Variants in TUFT1 observed in about 807,000 individuals in gnomAD.
TUFT1 encodes the protein tuftelin 1.
In TUFT1, 43 loss-of-function variants were observed where a neutral mutation model predicts 57.8. That is an observed-to-expected ratio of 0.74 (90% CI 0.58 to 0.96). The LOEUF (loss-of-function observed/expected upper bound fraction) is 0.96. Among genes scored for constraint, TUFT1 ranks in the 40% least tolerant of loss-of-function variants. The probability of loss-of-function intolerance (pLI) is 0.00; values close to 1 mark genes in which losing one functional copy is unlikely to be tolerated. For missense variants in TUFT1, 459 were observed against 489.0 expected (o/e 0.94, Z 0.58); for synonymous variants, 166 against 176.7 (o/e 0.94, Z 0.48).
At chr1:151,557,485 CT>C in intron 1 of TUFT1, 3 of 1,417,888 alleles carry the variant, frequency 2.1e-6, no homozygotes, top group Non-Finnish European at 2.0e-6. Context: ...TTATGAACTC[CT>C]TTTTAAGGAG....
intron 10 of TUFT1, among the ~76,000 whole-genome samples, chr1:151,579,249 A>G (rs1162628936): frequency 6.6e-6 from 1 of 152,196 alleles, no homozygotes; most frequent in Non-Finnish European, 1.5e-5. Flanking sequence ...CTAAGGCCCC[A>G]TAACTGGGAG....
Position 151,565,257 on chromosome 1 carries a change from G to T in TUFT1, c.414+643G>T, listed in dbSNP as rs537769484. 1.6e-4 allele frequency among the ~76,000 whole-genome samples: 24 copies of T among 152,328 alleles called. No homozygotes were observed. In the South Asian group the frequency reaches 5.0e-3, roughly 32 times the overall value. On this transcript the variant is annotated intron_variant, in intron 5 of 12. Coordinates refer to ENST00000368849, the MANE Select transcript of TUFT1 (RefSeq NM_020127.3). ...CTGGGAGGGATAATCCTGGGATCCT[G>T]CTTTTCAGTTTTTCCAAAACTCGAG...
Position 151,581,573 on chromosome 1 carries a change from G to A in TUFT1, c.1110-71G>A, listed in dbSNP as rs1195477067. On this transcript the variant is annotated intron_variant, in intron 12 of 12. Transcript: ENST00000368849. ...CCAGAGGCCAATGTGAAGATTCCAG[G>A]GGCTCTGTGAAGGGTGGGCCACAAC... is the stretch of plus-strand genomic sequence containing the variant. 4.0e-6 allele frequency: 6 copies of A among 1,481,906 alleles called. No homozygotes were observed. The African/African-American group carries it at 6.9e-5, about 17-fold the overall frequency. The allele number at this position is 1,481,906 out of a possible 1,614,324, so 91.8% of individuals were successfully genotyped here.
chr1:151,573,147 G>A (rs1666322399), intron 7 of TUFT1, among the ~76,000 whole-genome samples: 1 of 152,178 alleles, frequency 6.6e-6, no homozygotes, highest in African/African-American at 2.4e-5. Context: ...GGTACTGTGG[G>A]AGCTCTGGAA....
At chr1:151,573,275 T>G (rs1017939972) in intron 7 of TUFT1, among the ~76,000 whole-genome samples, 2 of 152,144 alleles carry the variant, frequency 1.3e-5, no homozygotes, top group Non-Finnish European at 2.9e-5. Flanking sequence ...GTTCCTTGTA[T>G]GTCCTCTCCC....
At position 151,569,717 on chromosome 1, in the gene TUFT1, G is replaced by C; in HGVS notation, c.541G>C (p.Ala181Pro). The change falls in exon 7 of 13, where the codon GCC becomes CCC. Residue 181 changes from alanine (A) to proline (P), a missense_variant. Ala to Pro is a conservative substitution (Grantham distance 27). Coordinates refer to ENST00000368849, the MANE Select transcript of TUFT1 (RefSeq NM_020127.3). Reference sequence around the variant, plus strand: ...GAGGAAGACGGTGCAGGACTTGCTGGCCAAGCTTCAGGAGGCCAAGCGGCA... The same window carrying C: ...GAGGAAGACGGTGCAGGACTTGCTGCCCAAGCTTCAGGAGGCCAAGCGGCA... ...SLRKTVQDLLAKLQEAKRQHQ... is the reference protein window; with the variant it reads ...SLRKTVQDLLPKLQEAKRQHQ... 1.9e-6 allele frequency: 3 copies of C among 1,614,056 alleles called. No homozygotes were observed. Among genetic ancestry groups the C allele is most frequent in the Non-Finnish European group, 2.5e-6 (3 of 1,179,962 alleles).
rs192466100 is a variant in TUFT1 at position 151,545,310 on chromosome 1, C to T, written c.60+4884C>T. Among the ~76,000 whole-genome samples the T allele has an allele frequency of 4.0e-5, 6 of 150,286 alleles. No homozygotes were observed. In the East Asian group the frequency reaches 9.9e-4, roughly 25 times the overall value. On this transcript the variant is annotated intron_variant, in intron 1 of 12. Transcript: ENST00000368849. ...GGGCAACAAGAGTGAAACTCCGTCT[C>T]AAACAAACAAAAAAAAGAGCATGGC...
Position 151,575,023 on chromosome 1 carries a change from G to A in TUFT1, c.818+18G>A, listed in dbSNP as rs538844764. 2.6e-6 allele frequency: 4 copies of A among 1,552,186 alleles called. No homozygotes were observed. The highest frequency in any genetic ancestry group is 1.4e-5 in the African/African-American group (1 of 73,304). Reference sequence around the variant, plus strand: ...CGAGAAAAGTAAGGGCTTGGCTCTTGTTCACGGTGAAGTTGGGTTGCAGGG... The same window carrying A: ...CGAGAAAAGTAAGGGCTTGGCTCTTATTCACGGTGAAGTTGGGTTGCAGGG... On this transcript the variant is annotated intron_variant, in intron 9 of 12. Coordinates refer to ENST00000368849, the MANE Select transcript of TUFT1 (RefSeq NM_020127.3).
rs778944952 is a variant in TUFT1 at position 151,564,558 on chromosome 1, A to T, written c.358A>T (p.Ile120Leu). ...CTGCCTACAGAAGCTCCGGGAGGAT[A>T]TAAGTAGCAAGCTTGACAGGAACCT... ...RNCLQKLRED[I>L]SSKLDRNLGD... The change falls in exon 5 of 13, where the codon ATA (isoleucine) becomes TTA (leucine). Residue 120 changes from isoleucine (I) to leucine (L), a missense_variant. By Grantham distance (5) the Ile-to-Leu change is conservative. Coordinates refer to ENST00000368849, the MANE Select transcript of TUFT1 (RefSeq NM_020127.3). 6.2e-7 allele frequency: 1 copy of T among 1,614,152 alleles called. No homozygotes were observed. Among genetic ancestry groups the T allele is most frequent in the South Asian group, 1.1e-5 (1 of 91,080 alleles).
At chr1:151,554,982 G>T (rs574779036) in intron 1 of TUFT1, among the ~76,000 whole-genome samples, 1 of 150,060 alleles carries the variant, frequency 6.7e-6, no homozygotes, top group South Asian at 2.1e-4. Flanking sequence ...GGGGTTACAG[G>T]TGTGAGCCAC....
chr1:151,566,972 G>C (rs956337772), intron 6 of TUFT1, among the ~76,000 whole-genome samples: 3 of 152,150 alleles, frequency 2.0e-5, no homozygotes, highest in African/African-American at 7.2e-5. Flanking sequence ...CCAGGCTGGA[G>C]TGCAGTGGCA....
chr1:151,569,288 A>G (rs1326803118), intron 6 of TUFT1, among the ~76,000 whole-genome samples: 6 of 152,202 alleles, frequency 3.9e-5, no homozygotes, highest in African/African-American at 1.4e-4. Flanking sequence ...AAAGGGGAAC[A>G]TGGTCTCTGC....
At chr1:151,576,037 G>A (rs993684668) in intron 9 of TUFT1, among the ~76,000 whole-genome samples, 11 of 152,170 alleles carry the variant, frequency 7.2e-5, no homozygotes, top group Non-Finnish European at 1.3e-4. Context: ...CTAGATAATC[G>A]GAAGCCAGGG....
chr1:151,563,898 T>C lies in TUFT1; in HGVS notation c.238-6T>C. ...GTTTCTTAACTAAATGGTGTTCTTA[T>C]TTCAGGTGTACTTGAAGGGGAGGTC... On this transcript the variant is annotated splice_region_variant and splice_polypyrimidine_tract_variant and intron_variant, in intron 3 of 12. Coordinates refer to ENST00000368849, the MANE Select transcript of TUFT1 (RefSeq NM_020127.3). 1 of 1,613,402 alleles carries C rather than the reference T, an allele frequency of 6.2e-7. No homozygotes were observed. Among genetic ancestry groups the C allele is most frequent in the East Asian group, 2.2e-5 (1 of 44,880 alleles).
chr1:151,544,739 A>G (rs747021098), intron 1 of TUFT1, among the ~76,000 whole-genome samples: 5 of 152,234 alleles, frequency 3.3e-5, no homozygotes, highest in Non-Finnish European at 4.4e-5. Context: ...CTTTTAAAAG[A>G]AAATAGCAGT....
At chr1:151,563,165 G>A (rs577007128) in intron 3 of TUFT1, among the ~76,000 whole-genome samples, 150 of 152,166 alleles carry the variant, frequency 9.9e-4, no homozygotes, top group African/African-American at 5.5e-4. Flanking sequence ...TATTATAGGC[G>A]TGCACCAGCC....
intron 1 of TUFT1, among the ~76,000 whole-genome samples, chr1:151,546,694 A>G (rs60322305): frequency 0.044 from 6,716 of 152,284 alleles, 337 homozygotes; most frequent in East Asian, 0.22. Context: ...TGTAATGTGA[A>G]TCAGTACTTC....
chr1:151,574,771 T>A, intron 8 of TUFT1, 140 bp from the exon 9 acceptor site: 1 of 731,058 alleles, frequency 1.4e-6, no homozygotes, highest in South Asian at 1.7e-5. Flanking sequence ...TGGCTCCCCA[T>A]CAAACCAGCT....
intron 1 of TUFT1, chr1:151,561,626 G>C: frequency 8.4e-7 from 1 of 1,187,318 alleles, no homozygotes. Context: ...ATAGAAATGG[G>C]AGTTTGAATT....
Sources: allele counts gnomAD v4.1 joint callset (sites outside exome capture counted in the v4.1 genomes callset), GRCh38; gene constraint gnomAD v4.1.1; transcripts MANE v1.5; gene names NCBI Gene and HGNC (gene_info 2026-07-23, HGNC 2026-07-21).